The following CDK17 variants were observed in gnomAD, a reference collection of about 807,000 sequenced individuals.
CDK17 encodes cyclin dependent kinase 17, also known as cyclin-dependent kinase 17.
Under a neutral mutation model 77.6 loss-of-function variants are expected in CDK17, and 24 were observed. The observed-to-expected ratio is 0.31, with a 90% CI of 0.22 to 0.44. The LOEUF (loss-of-function observed/expected upper bound fraction) is 0.44. Ranked by LOEUF, CDK17 falls within the 20% of genes least tolerant of loss-of-function variation. The probability of loss-of-function intolerance (pLI) is 1.00; values close to 1 mark genes in which losing one functional copy is unlikely to be tolerated. For synonymous variants in CDK17, 203 were observed against 210.4 expected, an observed-to-expected ratio of 0.96 and a Z score of 0.30; for missense variants, 429 against 622.5, an observed-to-expected ratio of 0.69 and a Z score of 3.31.
chr12:96,300,641 C>T (rs1952486258), intron 5 of CDK17, among the ~76,000 whole-genome samples: 2 of 152,178 alleles, frequency 1.3e-5, no homozygotes, highest in Admixed American at 6.5e-5. Context: ...AAGTGATCTG[C>T]CTGCCTTGGC....
intron 7 of CDK17, among the ~76,000 whole-genome samples, chr12:96,298,086 C>T (rs1014722596): frequency 2.6e-5 from 4 of 151,842 alleles, no homozygotes; most frequent in African/African-American, 9.7e-5. Context: ...GTCAGGAGAT[C>T]GCCTGGCTAA....
intron 1 of CDK17, among the ~76,000 whole-genome samples, chr12:96,341,775 A>G (rs1953125964): frequency 6.6e-6 from 1 of 152,198 alleles, no homozygotes; most frequent in Non-Finnish European, 1.5e-5. Flanking sequence ...ATGTTCTAGT[A>G]TGAGTCTTTA....
intron 1 of CDK17, among the ~76,000 whole-genome samples, chr12:96,383,231 ACT>A (rs1027465105): frequency 5.3e-5 from 8 of 152,156 alleles, no homozygotes; most frequent in African/African-American, 1.9e-4. Context: ...TAGAATAACA[ACT>A]ACAAAACACT....
At chr12:96,383,557 G>C (rs1336828942) in intron 1 of CDK17, among the ~76,000 whole-genome samples, 3 of 152,122 alleles carry the variant, frequency 2.0e-5, no homozygotes, top group Non-Finnish European at 4.4e-5. Flanking sequence ...GCATGGTACT[G>C]ATACAAAAAC....
In CDK17 at chr12:96,278,507, C is replaced by T. The variant is rs1326019297; in HGVS notation, c.*1735G>A. ...CATAAAAGAAAAGGACCCCACTCGGCACAGCCTTCATCCCCAAGAAAGAAC... is the reference window on the plus strand; with the variant it reads ...CATAAAAGAAAAGGACCCCACTCGGTACAGCCTTCATCCCCAAGAAAGAAC... On this transcript the variant is annotated 3_prime_UTR_variant, in exon 17 of 17. Transcript: ENST00000261211. The T allele has an allele frequency of 6.6e-6, 1 of 152,530 alleles. No individual in the cohort carries two copies. Among genetic ancestry groups the T allele is most frequent in the East Asian group, 1.9e-4 (1 of 5,196 alleles). The allele number at this position is 152,530 out of a possible 1,614,324, so 9.4% of individuals were successfully genotyped here. A position where few individuals can be genotyped will look rare whatever the true frequency, so the allele number is the denominator to read the frequency against.
chr12:96,369,841 G>A (rs547668713), intron 1 of CDK17, among the ~76,000 whole-genome samples: 2 of 152,306 alleles, frequency 1.3e-5, no homozygotes, highest in African/African-American at 4.8e-5. Flanking sequence ...AGCACTTTGA[G>A]AGGCTGAGGT....
intron 2 of CDK17, among the ~76,000 whole-genome samples, chr12:96,332,992 T>C (rs1952992867): frequency 6.6e-6 from 1 of 152,292 alleles, no homozygotes; most frequent in South Asian, 2.1e-4. Flanking sequence ...GAAAAGAGGA[T>C]TGTCTTGTAG....
chr12:96,346,878 G>A (rs1592744013), intron 1 of CDK17, among the ~76,000 whole-genome samples: 2 of 151,514 alleles, frequency 1.3e-5, no homozygotes, highest in South Asian at 2.1e-4. Flanking sequence ...TCACACCACC[G>A]CACTCCAGCC....
chr12:96,317,909 C>G (rs1184811551), intron 3 of CDK17, among the ~76,000 whole-genome samples: 7 of 148,794 alleles, frequency 4.7e-5, no homozygotes, highest in Admixed American at 1.3e-4. Flanking sequence ...AAAATCACCA[C>G]CTAACATCAT....
chr12:96,280,390 T>C (rs553167947), intron 16 of CDK17, 111 bp from the exon 17 acceptor site: 7 of 1,500,000 alleles, frequency 4.7e-6, no homozygotes, highest in African/African-American at 1.4e-5. Flanking sequence ...TAATATTCCA[T>C]GGTAAGAGTG....
At chr12:96,308,546 T>C (rs1238065936) in intron 5 of CDK17, among the ~76,000 whole-genome samples, 2 of 151,744 alleles carry the variant, frequency 1.3e-5, no homozygotes, top group Non-Finnish European at 2.9e-5. Flanking sequence ...CTGGCCAACA[T>C]GGTGAAATCA....
intron 3 of CDK17, among the ~76,000 whole-genome samples, chr12:96,315,970 G>A (rs539470316): frequency 1.0e-3 from 158 of 152,266 alleles, no homozygotes; most frequent in African/African-American, 3.4e-3. Flanking sequence ...GGCCGAATAG[G>A]AACAGCTCCG....
chr12:96,347,037 G>A (rs1236786916), intron 1 of CDK17, among the ~76,000 whole-genome samples: 6 of 152,136 alleles, frequency 3.9e-5, no homozygotes, highest in Admixed American at 3.9e-4. Flanking sequence ...CTATGTTTTT[G>A]TCAGACAAAA....
chr12:96,284,175 A>G (rs1952214276), intron 13 of CDK17, among the ~76,000 whole-genome samples: 1 of 152,156 alleles, frequency 6.6e-6, no homozygotes, highest in African/African-American at 2.4e-5. Flanking sequence ...ACTTCATAAA[A>G]CTTCATCAAT....
intron 1 of CDK17, among the ~76,000 whole-genome samples, chr12:96,380,174 CAA>C (rs58742783): frequency 4.8e-5 from 7 of 145,236 alleles, no homozygotes; most frequent in East Asian, 4.0e-4. Context: ...GTCCCCCGAC[CAA>C]AAAAAAAACA....
chr12:96,300,395 T>TC, intron 5 of CDK17, 35 bp from the exon 6 acceptor site: 15 of 234,520 alleles, frequency 6.4e-5, no homozygotes, highest in Non-Finnish European at 9.7e-5. Flanking sequence ...TAGTATTTAC[T>TC]TTTTTTTTTT....
chr12:96,354,922 G>A (rs897331838), intron 1 of CDK17, among the ~76,000 whole-genome samples: 3 of 151,962 alleles, frequency 2.0e-5, no homozygotes, highest in Non-Finnish European at 4.4e-5. Context: ...TCGTCTTACT[G>A]CTCCCACCGC....
At chr12:96,288,043 T>C (rs535205332) in intron 11 of CDK17, among the ~76,000 whole-genome samples, 1 of 152,004 alleles carries the variant, frequency 6.6e-6, no homozygotes, top group Admixed American at 6.5e-5. Flanking sequence ...TAGGAAGAAA[T>C]TGTTAAGTGG....
chr12:96,334,357 A>G (rs1159564460), intron 2 of CDK17, among the ~76,000 whole-genome samples: 2 of 152,236 alleles, frequency 1.3e-5, no homozygotes, highest in African/African-American at 2.4e-5. Flanking sequence ...CAGACTTCCT[A>G]TGCACTTTTA....
Sources: gnomAD v4.1 joint callset for allele counts (sites outside exome capture counted in the v4.1 genomes callset) on GRCh38, gnomAD v4.1.1 for gene constraint, MANE v1.5 for transcripts, NCBI Gene and HGNC (gene_info 2026-07-23, HGNC 2026-07-21) for gene names.